The following PODN variants were observed in gnomAD, a reference collection of about 807,000 sequenced individuals.
PODN encodes the protein podocan proteoglycan.
A neutral mutation model predicts 52.7 loss-of-function variants in PODN; 40 were observed. The ratio of observed to expected loss-of-function variants is 0.76; its 90% CI spans 0.59 to 0.99. The LOEUF is 0.99. Among genes scored for constraint, PODN ranks in the 50% least tolerant of loss-of-function variants. The pLI is 0.00. For missense variants in PODN, 720 were observed against 815.1 expected (o/e 0.88, Z 1.42); for synonymous variants, 396 against 377.9 (o/e 1.05, Z -0.56).
At chr1:53,076,041 T>C in intron 5 of PODN, 70 bp downstream of exon 5, 1 of 1,297,962 alleles carries the variant, frequency 7.7e-7, no homozygotes. Flanking sequence ...GCTGCCATCC[T>C]GTGTGAGGCA....
chr1:53,069,676 TGCGGAGGGCA>T (rs1404490855), intron 1 of PODN, 115 bp from the exon 2 acceptor site: 6 of 1,366,804 alleles, frequency 4.4e-6, no homozygotes, highest in Non-Finnish European at 5.8e-6. Flanking sequence ...GTTGGGCAGG[TGCGGAGGGCA>T]GCAGTCAGTC....
intron 1 of PODN, among the ~76,000 whole-genome samples, chr1:53,068,013 T>TGGCAGGGGTGC (rs1163071484): frequency 6.7e-6 from 1 of 149,466 alleles, no homozygotes; most frequent in Non-Finnish European, 1.5e-5. Flanking sequence ...AGCAGTGGTG[T>TGGCAGGGGTGC]GGCAGGGGTG....
chr1:53,076,418 C>T (rs976667123), intron 5 of PODN, among the ~76,000 whole-genome samples: 1 of 152,192 alleles, frequency 6.6e-6, no homozygotes, highest in Non-Finnish European at 1.5e-5. Context: ...CAGTGACTCT[C>T]TCCATCTGTC....
intron 1 of PODN, among the ~76,000 whole-genome samples, chr1:53,066,651 A>G (rs145249699): frequency 6.6e-6 from 1 of 152,284 alleles, no homozygotes; most frequent in Non-Finnish European, 1.5e-5. Context: ...GCAGCGTAGC[A>G]TTGTTGATAT....
intron 10 of PODN, among the ~76,000 whole-genome samples, chr1:53,083,923 G>C (rs1644328363): frequency 6.6e-6 from 1 of 152,158 alleles, no homozygotes; most frequent in African/African-American, 2.4e-5. Context: ...CCGGGCCACT[G>C]TTGAGTGTTG....
intron 5 of PODN, among the ~76,000 whole-genome samples, chr1:53,076,614 C>G (rs1248050652): frequency 6.6e-6 from 1 of 152,132 alleles, no homozygotes; most frequent in Admixed American, 6.5e-5. Context: ...TGCCCTCAGT[C>G]TAGAACAGCT....
chr1:53,071,341 T>A, intron 2 of PODN, 194 bp from the exon 3 acceptor site: 1 of 583,352 alleles, frequency 1.7e-6, no homozygotes, highest in Non-Finnish European at 3.1e-6. Context: ...TTGTGATCAC[T>A]GCTGTGCCCC....
At chr1:53,076,560 G>A (rs1243805938) in intron 5 of PODN, among the ~76,000 whole-genome samples, 4 of 152,096 alleles carry the variant, frequency 2.6e-5, no homozygotes, top group Non-Finnish European at 4.4e-5. Context: ...AGTATGTTGG[G>A]TCCACGAGGG....
intron 3 of PODN, among the ~76,000 whole-genome samples, chr1:53,073,938 C>A (rs776771980): frequency 6.6e-6 from 1 of 152,240 alleles, no homozygotes; most frequent in South Asian, 2.1e-4. Context: ...TCTTAGCCGT[C>A]GGCTCAGCCG....
chr1:53,068,057 A>G (rs60681236), intron 1 of PODN, among the ~76,000 whole-genome samples: 14,294 of 152,182 alleles, frequency 0.094, 1,097 homozygotes, highest in African/African-American at 0.21. Flanking sequence ...AATTAGTGGC[A>G]GGAAAAGCTA....
rs1467657831 is a variant in PODN at position 53,075,923 on chromosome 1, A to G, written c.533A>G (p.Tyr178Cys). The G allele has an allele frequency of 1.2e-6, 2 of 1,606,076 alleles. No individual in the cohort carries two copies. Among genetic ancestry groups the G allele is most frequent in the Non-Finnish European group, 1.7e-6 (2 of 1,175,552 alleles). Residue 178 changes from tyrosine (Y) to cysteine (C), a missense_variant, in exon 5 of 11, where the codon TAT (tyrosine) becomes TGT (cysteine). Coordinates refer to ENST00000312553, the MANE Select transcript of PODN (RefSeq NM_153703.5). Reference protein sequence around the residue: ...ALISVDFAANYLTKIYGLTFG... With the variant: ...ALISVDFAANCLTKIYGLTFG... ...ATCAGTGTGGACTTTGCTGCCAACT[A>G]TCTCACCAAGATCTATGGGCTCACC...
At position 53,080,467 on chromosome 1, in the gene PODN, G is replaced by A. The variant is rs184318338; in HGVS notation, c.1513-261G>A. ...GAAGGCACAAGAAGCTGGGTAGGAC[G>A]TTCATCAATTAGAATAAGGGTTTGG... On this transcript the variant is annotated intron_variant, in intron 8 of 10. Coordinates refer to ENST00000312553, the MANE Select transcript of PODN (RefSeq NM_153703.5). Among the ~76,000 whole-genome samples the A allele has an allele frequency of 2.6e-3, 391 of 152,320 alleles. 1 individual carries two copies. The highest frequency in any genetic ancestry group is 8.5e-3 in the African/African-American group (354 of 41,570).
chr1:53,069,381 A>G (rs769451396), intron 1 of PODN, among the ~76,000 whole-genome samples: 1 of 152,202 alleles, frequency 6.6e-6, no homozygotes, highest in Non-Finnish European at 1.5e-5. Flanking sequence ...CAAGTCAGGA[A>G]GGCCTGAGAA....
chr1:53,084,266 C>T (rs796531324), intron 10 of PODN, among the ~76,000 whole-genome samples: 13 of 152,042 alleles, frequency 8.6e-5, no homozygotes, highest in African/African-American at 3.1e-4. Flanking sequence ...GGGTGAGAAT[C>T]TGCCCCATCT....
At chr1:53,063,577 G>GC in intron 1 of PODN, 1 of 985,556 alleles carries the variant, frequency 1.0e-6, no homozygotes, top group East Asian at 1.1e-4. Flanking sequence ...ACTCAGAAGA[G>GC]CCCGTGGACT....
chr1:53,073,335 T>C (rs1644147103), intron 3 of PODN: 1 of 156,584 alleles, frequency 6.4e-6, no homozygotes, highest in Non-Finnish European at 1.4e-5. Context: ...CTGAAGAAGT[T>C]TGGATCCCTG....
At chr1:53,082,624 C>T (rs1318109150) in intron 10 of PODN, among the ~76,000 whole-genome samples, 2 of 152,172 alleles carry the variant, frequency 1.3e-5, no homozygotes, top group Admixed American at 6.5e-5. Context: ...CCCAGACTGC[C>T]GTGGGCAGAG....
intron 9 of PODN, among the ~76,000 whole-genome samples, chr1:53,081,218 C>T (rs1308146089): frequency 2.0e-5 from 3 of 152,224 alleles, no homozygotes; most frequent in Non-Finnish European, 4.4e-5. Context: ...CCGGGCCTCA[C>T]ACTCAGGAAT....
In PODN at chr1:53,077,771, T is replaced by G. The variant is rs1644218314; in HGVS notation, c.825T>G (p.Thr275=). The G allele has an allele frequency of 6.2e-7, 1 of 1,613,460 alleles. No homozygotes were observed. Among genetic ancestry groups the G allele is most frequent in the East Asian group, 2.2e-5 (1 of 44,874 alleles). The part of the protein sequence containing the change: ...RELYLQNNYL[T]DEGLDNETFW... ...TATACCTGCAGAACAACTACCTGAC[T>G]GACGAGGGCCTGGACAACGAGACCT... Residue 275 remains threonine, a synonymous_variant, in exon 7 of 11, where the codon ACT becomes ACG. Transcript: ENST00000312553.
Sources: allele counts gnomAD v4.1 joint callset (sites outside exome capture counted in the v4.1 genomes callset), GRCh38; gene constraint gnomAD v4.1.1; transcripts MANE v1.5; gene names NCBI Gene and HGNC (gene_info 2026-07-23, HGNC 2026-07-21).